The following NUDC variants were observed in gnomAD, a reference collection of about 807,000 sequenced individuals.
NUDC encodes the protein nuclear migration protein nudC.
A neutral mutation model predicts 45.0 loss-of-function variants in NUDC; 14 were observed. The ratio of observed to expected loss-of-function variants is 0.31; its 90% CI spans 0.21 to 0.49. NUDC has a LOEUF of 0.49. Ranked by LOEUF, NUDC falls within the 20% of genes least tolerant of loss-of-function variation. The pLI is 0.99. For missense variants in NUDC, 323 were observed against 426.2 expected, an observed-to-expected ratio of 0.76 and a Z score of 2.13; for synonymous variants, 153 against 156.7, an observed-to-expected ratio of 0.98 and a Z score of 0.17.
intron 2 of NUDC, among the ~76,000 whole-genome samples, chr1:26,938,032 T>TG (rs2082248472): frequency 6.6e-6 from 1 of 152,250 alleles, no homozygotes; most frequent in Non-Finnish European, 1.5e-5. Context: ...TGGTGGCACA[T>TG]GCCTGTACTG....
chr1:26,921,698 A>T (rs912686870), upstream of NUDC: 2 of 769,140 alleles, frequency 2.6e-6, no homozygotes. Flanking sequence ...GAGGAGGTGG[A>T]GGCGGGCCTG....
intron 3 of NUDC, among the ~76,000 whole-genome samples, chr1:26,914,278 C>A (rs1570715454): frequency 1.3e-5 from 2 of 152,226 alleles, no homozygotes; most frequent in East Asian, 1.9e-4. Flanking sequence ...ACCAGGGCAC[C>A]AAGGCCCCAG....
At chr1:26,936,644 A>G (rs1384254362) in intron 2 of NUDC, among the ~76,000 whole-genome samples, 1 of 151,942 alleles carries the variant, frequency 6.6e-6, no homozygotes, top group Non-Finnish European at 1.5e-5. Flanking sequence ...CTGGCCTACA[A>G]AAAAAAATTT....
At chr1:26,936,008 G>A (rs1219007124) in intron 2 of NUDC, among the ~76,000 whole-genome samples, 1 of 146,756 alleles carries the variant, frequency 6.8e-6, no homozygotes, top group South Asian at 2.2e-4. Context: ...AGTCTCTGGT[G>A]CTGAGGCGTG....
upstream of NUDC, chr1:26,900,178 G>A: frequency 6.2e-7 from 1 of 1,614,162 alleles, no homozygotes; most frequent in Non-Finnish European, 8.5e-7. Flanking sequence ...CGAGTGGAGA[G>A]AGGCCGGACA....
At chr1:26,940,140 A>C (rs2082265088) in intron 2 of NUDC, among the ~76,000 whole-genome samples, 1 of 152,072 alleles carries the variant, frequency 6.6e-6, no homozygotes, top group South Asian at 2.1e-4. Flanking sequence ...TCCTTCAAGA[A>C]AGCTCCCTGG....
At chr1:26,925,717 A>C (rs2082126463) in intron 2 of NUDC, among the ~76,000 whole-genome samples, 1 of 144,876 alleles carries the variant, frequency 6.9e-6, no homozygotes, top group South Asian at 2.1e-4. Context: ...TATCATGAGG[A>C]ATTTTTTTTT....
At chr1:26,942,539 G>A in intron 4 of NUDC, 121 bp from the exon 5 acceptor site, 1 of 1,441,062 alleles carries the variant, frequency 6.9e-7, no homozygotes, top group Non-Finnish European at 9.7e-7. Context: ...AGTGGGCAGG[G>A]ACCAGGTCTG....
intron 3 of NUDC, chr1:26,912,179 C>G: frequency 1.3e-6 from 2 of 1,500,104 alleles, no homozygotes; most frequent in East Asian, 4.7e-5. Flanking sequence ...ATCAGAGACA[C>G]CCCTCTGCCT....
intron 2 of NUDC, among the ~76,000 whole-genome samples, chr1:26,909,390 T>C (rs2082016030): frequency 6.6e-6 from 1 of 152,180 alleles, no homozygotes; most frequent in Non-Finnish European, 1.5e-5. Flanking sequence ...AGTGCTGGGA[T>C]GACAGGCATG....
chr1:26,904,130 A>C (rs565260148), intron 2 of NUDC, among the ~76,000 whole-genome samples: 1 of 149,394 alleles, frequency 6.7e-6, no homozygotes, highest in East Asian at 1.9e-4. Context: ...CATTATATCT[A>C]GGTTTAAACC....
At chr1:26,925,557 AAAAG>A (rs2082125200) in intron 2 of NUDC, among the ~76,000 whole-genome samples, 2 of 151,238 alleles carry the variant, frequency 1.3e-5, no homozygotes, top group South Asian at 4.2e-4. Flanking sequence ...AAAAAAAAAA[AAAAG>A]AAATAAATTT....
upstream of NUDC, among the ~76,000 whole-genome samples, chr1:26,919,191 C>T (rs1358802646): frequency 6.6e-6 from 1 of 151,902 alleles, no homozygotes; most frequent in African/African-American, 2.4e-5. Flanking sequence ...TCAAGTGATT[C>T]TCCCATCTCA....
chr1:26,927,570 G>A (rs1178871360), intron 2 of NUDC, among the ~76,000 whole-genome samples: 1 of 151,532 alleles, frequency 6.6e-6, no homozygotes, highest in Non-Finnish European at 1.5e-5. Flanking sequence ...GCTAATTTTC[G>A]TATTTTTAGT....
At chr1:26,900,433 GCACCGCCATCTTGGATTGT>G in intron 1 of NUDC, 1 of 1,608,910 alleles carries the variant, frequency 6.2e-7, no homozygotes, top group Non-Finnish European at 8.5e-7. Flanking sequence ...GCCTCGCCGG[GCACCGCCATCTTGGATTGT>G]CACATGATCA....
At chr1:26,924,695 A>C (rs1570724741) in intron 2 of NUDC, among the ~76,000 whole-genome samples, 1 of 152,006 alleles carries the variant, frequency 6.6e-6, no homozygotes, top group African/African-American at 2.4e-5. Context: ...GTGGGATTAC[A>C]GGCGCCCGCC....
chr1:26,913,484 GA>G, intron 3 of NUDC: 6 of 1,614,066 alleles, frequency 3.7e-6, no homozygotes, highest in Non-Finnish European at 5.1e-6. Flanking sequence ...AAGGACTCCA[GA>G]CAGCATTGAA....
At chr1:26,901,498 G>A (rs1052584929) in intron 1 of NUDC, among the ~76,000 whole-genome samples, 1 of 144,014 alleles carries the variant, frequency 6.9e-6, no homozygotes, top group African/African-American at 2.6e-5. Context: ...TCCGCCTCCC[G>A]GGTTCAAGCA....
intron 2 of NUDC, among the ~76,000 whole-genome samples, chr1:26,927,165 G>T (rs1437804678): frequency 1.4e-4 from 19 of 136,464 alleles, no homozygotes; most frequent in Admixed American, 1.4e-3. Flanking sequence ...ATGAATAGCT[G>T]TAAGAAGGGA....
Sources: gnomAD v4.1 joint callset for allele counts (sites outside exome capture counted in the v4.1 genomes callset) on GRCh38, gnomAD v4.1.1 for gene constraint, MANE v1.5 for transcripts, NCBI Gene and HGNC (gene_info 2026-07-23, HGNC 2026-07-21) for gene names.